The following ARL5C variants were observed in gnomAD, a reference collection of about 807,000 sequenced individuals.
The protein encoded by ARL5C is ARF like GTPase 5C.
A neutral mutation model predicts 20.8 loss-of-function variants in ARL5C; 21 were observed. The observed-to-expected ratio is 1.01, with a 90% CI of 0.72 to 1.46. The LOEUF (loss-of-function observed/expected upper bound fraction) is 1.46, where lower values mean the gene tolerates loss of function less well. Among genes scored for constraint, ARL5C ranks in the 40% most tolerant of loss-of-function variants. The pLI, the probability that ARL5C is intolerant of heterozygous loss-of-function variation, is 0.00. For missense variants in ARL5C, 199 were observed against 225.1 expected (o/e 0.88, Z 0.74); for synonymous variants, 71 against 81.6 (o/e 0.87, Z 0.70).
intron 2 of ARL5C, 37 bp downstream of exon 2, chr17:39,165,041 GC>G: frequency 6.5e-7 from 1 of 1,547,006 alleles, no homozygotes; most frequent in Non-Finnish European, 8.8e-7. Flanking sequence ...CTGGTGGGAG[GC>G]CCAGCTCTCT....
Position 39,161,349 on chromosome 17 carries a change from A to G in ARL5C, c.258T>C (p.Phe86=), listed in dbSNP as rs550194233. ...CCGTGCTGTCAATCACAAGGATGAT[A>G]AACTGGGCAGCAGAGGGGAGCCGTG... ...IWNTYYSNTE[F]IILVIDSTDR... is the part of the protein sequence containing the mutation. Residue 86 remains phenylalanine (F), a splice_region_variant and synonymous_variant, in exon 4 of 6, where the codon TTT becomes TTC. Transcript: ENST00000269586. 1.8e-4 allele frequency: 276 copies of G among 1,551,930 alleles called. 2 individuals carry two copies. Among genetic ancestry groups the G allele is most frequent in the South Asian group, 1.5e-3 (124 of 84,060 alleles).
chr17:39,165,845 C>G lies in ARL5C; in HGVS notation c.-85G>C. 2.7e-6 allele frequency: 4 copies of G among 1,487,702 alleles called. No homozygotes were observed. The highest frequency in any genetic ancestry group is 3.7e-6 in the Non-Finnish European group (4 of 1,093,158). 92.2% of individuals were successfully genotyped at this position (1,487,702 alleles called of 1,614,324 possible). ...CCTGGTATTCGGAGCTCCGCTCCCC[C>G]GGGAGGGTCTGGCAGATTTTGCCTA... On this transcript the variant is annotated 5_prime_UTR_variant, in exon 1 of 6. Coordinates refer to ENST00000269586, the MANE Select transcript of ARL5C (RefSeq NM_001143968.1).
Position 39,165,266 on chromosome 17 carries a change from C to T in ARL5C, c.47-127G>A, listed in dbSNP as rs1246450463. ...GGCTGGGGACCTCTGCCCACCGTACCGCGTCTGCTTCCCACCCAGCTCCGA... is the reference window on the plus strand; with the variant it reads ...GGCTGGGGACCTCTGCCCACCGTACTGCGTCTGCTTCCCACCCAGCTCCGA... On this transcript the variant is annotated intron_variant, in intron 1 of 5. Coordinates refer to ENST00000269586, the MANE Select transcript of ARL5C (RefSeq NM_001143968.1). 3.3e-6 allele frequency: 3 copies of T among 917,794 alleles called. No individual in the cohort carries two copies. The South Asian group carries it at 4.5e-5, about 14-fold the overall frequency. The allele number at this position is 917,794 out of a possible 1,614,324, so 56.9% of individuals were successfully genotyped here.
intron 5 of ARL5C, 24 bp from the exon 6 acceptor site, chr17:39,156,966 G>T: frequency 6.4e-7 from 1 of 1,551,648 alleles, no homozygotes; most frequent in South Asian, 1.2e-5. Flanking sequence ...GGAACAGGAG[G>T]GGTCAGCCTA....
At position 39,165,838 on chromosome 17, in the gene ARL5C, G is replaced by C; in HGVS notation, c.-78C>G. The C allele has an allele frequency of 6.6e-7, 1 of 1,507,006 alleles. No individual in the cohort carries two copies. Among genetic ancestry groups the C allele is most frequent in the Non-Finnish European group, 9.0e-7 (1 of 1,109,652 alleles). The allele number at this position is 1,507,006 out of a possible 1,614,324, so 93.4% of individuals were successfully genotyped here. ...AGTCGGCCCTGGTATTCGGAGCTCC[G>C]CTCCCCCGGGAGGGTCTGGCAGATT... On this transcript the variant is annotated 5_prime_UTR_variant, in exon 1 of 6. Transcript: ENST00000269586.
chr17:39,162,684 A>G, intron 3 of ARL5C, 27 bp downstream of exon 3: 1 of 1,545,314 alleles, frequency 6.5e-7, no homozygotes, highest in Non-Finnish European at 8.8e-7. Flanking sequence ...TGCCTTGGAG[A>G]CCCTTCAGCC....
intron 5 of ARL5C, among the ~76,000 whole-genome samples, chr17:39,159,297 C>CTTTTT (rs71141776): frequency 1.8e-5 from 2 of 111,822 alleles, no homozygotes; most frequent in South Asian, 2.9e-4. Flanking sequence ...TTCTTTCTTT[C>CTTTTT]TTTTTTTTTT....
chr17:39,159,032 T>TTTTG (rs1555575775), intron 5 of ARL5C, among the ~76,000 whole-genome samples: 1 of 123,142 alleles, frequency 8.1e-6, no homozygotes, highest in African/African-American at 3.1e-5. Flanking sequence ...GTTTTTTTTT[T>TTTTG]TTTTTTTTTT....
At chr17:39,158,852 T>C (rs1325441959) in intron 5 of ARL5C, among the ~76,000 whole-genome samples, 1 of 151,938 alleles carries the variant, frequency 6.6e-6, no homozygotes, top group Non-Finnish European at 1.5e-5. Context: ...TTCTTTGTTT[T>C]TGCTTTTGGA....
chr17:39,161,412 C>A, intron 3 of ARL5C, 61 bp from the exon 4 acceptor site: 1 of 1,473,668 alleles, frequency 6.8e-7, no homozygotes, highest in South Asian at 1.2e-5. Flanking sequence ...TGTTTCCTGC[C>A]CTCTTTCTTT....
In ARL5C at chr17:39,161,310, C is replaced by T. The variant is rs1290557732; in HGVS notation, c.297G>A (p.Leu99=). 1 of 1,551,926 alleles carries T rather than the reference C, an allele frequency of 6.4e-7. No homozygotes were observed. The highest frequency in any genetic ancestry group is 2.0e-5 in the Admixed American group (1 of 51,002). The change falls in exon 4 of 6, where the codon CTG becomes CTA. Residue 99 remains leucine, a synonymous_variant. Coordinates refer to ENST00000269586, the MANE Select transcript of ARL5C (RefSeq NM_001143968.1). ...LVIDSTDRDR[L]LTTREELYKM... ...TATATAGCTCCTCCCGAGTGGTCAG[C>T]AGCCGATCCCGGTCCGTGCTGTCAA...
In ARL5C at chr17:39,160,490, G is replaced by C. The variant is rs748592146; in HGVS notation, c.491+101C>G. On this transcript the variant is annotated intron_variant, in intron 5 of 5. Transcript: ENST00000269586. Reference sequence around the variant, plus strand: ...TTGGCTTGGCCCAGGAGCCAACTGTGAACCAGATTCTCACAGGAGAGAGGC... The same window carrying C: ...TTGGCTTGGCCCAGGAGCCAACTGTCAACCAGATTCTCACAGGAGAGAGGC... 4 of 1,444,446 alleles carry C rather than the reference G, an allele frequency of 2.8e-6. No homozygotes were observed. The Admixed American group carries it at 8.8e-5, about 32-fold the overall frequency. 89.5% of individuals were successfully genotyped at this position (1,444,446 alleles called of 1,614,324 possible).
At chr17:39,159,157 G>T (rs1296576439) in intron 5 of ARL5C, among the ~76,000 whole-genome samples, 1 of 137,194 alleles carries the variant, frequency 7.3e-6, no homozygotes, top group Non-Finnish European at 1.5e-5. Flanking sequence ...TCAACCTCAT[G>T]AGCAGTTAGG....
At chr17:39,165,418 C>A in intron 1 of ARL5C, 1 of 589,180 alleles carries the variant, frequency 1.7e-6, no homozygotes, top group Non-Finnish European at 3.0e-6. Flanking sequence ...AGAGAAAGAG[C>A]ATAACGCGAA....
At chr17:39,163,509 C>T (rs770402139) in intron 2 of ARL5C, among the ~76,000 whole-genome samples, 4 of 151,556 alleles carry the variant, frequency 2.6e-5, no homozygotes, top group African/African-American at 7.3e-5. Context: ...TCTCCCGCCT[C>T]GGCCTCCTGA....
Position 39,161,414 on chromosome 17 carries a change from T to C in ARL5C, c.256-63A>G, listed in dbSNP as rs1877596631. Reference sequence around the variant, plus strand: ...TCTTTGGTAAATGTGTTTCCTGCCCTCTTTCTTTCCCCACTGGTCTCTGCA... The same window carrying C: ...TCTTTGGTAAATGTGTTTCCTGCCCCCTTTCTTTCCCCACTGGTCTCTGCA... On this transcript the variant is annotated intron_variant, in intron 3 of 5. Coordinates refer to ENST00000269586, the MANE Select transcript of ARL5C (RefSeq NM_001143968.1). 2.1e-6 allele frequency: 3 copies of C among 1,460,814 alleles called. No homozygotes were observed. The African/African-American group carries it at 4.2e-5, about 21-fold the overall frequency. The allele number at this position is 1,460,814 out of a possible 1,614,324, so 90.5% of individuals were successfully genotyped here.
chr17:39,160,867 G>T, intron 4 of ARL5C, 125 bp from the exon 5 acceptor site: 1 of 1,139,210 alleles, frequency 8.8e-7, no homozygotes, highest in Non-Finnish European at 1.2e-6. Flanking sequence ...GCCTGGATGG[G>T]GCAGAGATGG....
At chr17:39,157,417 A>G (rs188891345) in intron 5 of ARL5C, among the ~76,000 whole-genome samples, 2 of 152,168 alleles carry the variant, frequency 1.3e-5, no homozygotes, top group Non-Finnish European at 1.5e-5. Flanking sequence ...ACTCCGGCGC[A>G]TGGGTGGAGT....
intron 1 of ARL5C, 185 bp downstream of exon 1, chr17:39,165,530 C>A: frequency 1.4e-6 from 1 of 699,070 alleles, no homozygotes; most frequent in Non-Finnish European, 2.3e-6. Flanking sequence ...TGGGGCGCAC[C>A]GAAGCGCCGG....
Sources: allele counts gnomAD v4.1 joint callset (sites outside exome capture counted in the v4.1 genomes callset), GRCh38; gene constraint gnomAD v4.1.1; transcripts MANE v1.5; gene names NCBI Gene and HGNC (gene_info 2026-07-23, HGNC 2026-07-21).